Variants in MCPH1 observed in about 807,000 individuals in gnomAD.
MCPH1 encodes the protein microcephalin 1.
MCPH1 carries 104 observed loss-of-function variants against 84.5 expected under a neutral mutation model. That is an observed-to-expected ratio of 1.23 (90% confidence interval 1.05 to 1.45). MCPH1 has a LOEUF of 1.45. Ranked by LOEUF, MCPH1 falls within the 40% of genes most tolerant of loss-of-function variation. MCPH1 has a pLI of 0.00. For synonymous variants in MCPH1, 514 were observed against 366.8 expected (o/e 1.40, Z -4.58); for missense variants, 1,498 against 1,005.7 (o/e 1.49, Z -6.62).
rs953870972 is a variant in MCPH1, at chr8:6,648,145, G to C, written c.*5096G>C. On this transcript the variant is annotated 3_prime_UTR_variant, in exon 14 of 14. Coordinates refer to ENST00000344683, the MANE Select transcript of MCPH1 (RefSeq NM_024596.5). ...CCCAGCCAATACGTGGGCACAGAAA[G>C]GCACAGGGCATGGCTGATTCAGCCC... The C allele has an allele frequency of 1.3e-5, 2 of 152,200 alleles. No homozygotes were observed. The highest frequency in any genetic ancestry group is 1.9e-4 in the East Asian group (1 of 5,186). 9.4% of individuals were successfully genotyped at this position (152,200 alleles called of 1,614,324 possible).
intron 11 of MCPH1, among the ~76,000 whole-genome samples, chr8:6,482,775 T>C (rs1342493932): frequency 6.6e-6 from 1 of 152,204 alleles, no homozygotes; most frequent in Non-Finnish European, 1.5e-5. Context: ...TTTTAGGTTA[T>C]TGTATCTCTT....
At chr8:6,570,212 A>G (rs573593002) in intron 12 of MCPH1, among the ~76,000 whole-genome samples, 12 of 152,218 alleles carry the variant, frequency 7.9e-5, no homozygotes, top group South Asian at 2.1e-4. Context: ...TCTGAGATGA[A>G]GTTGAGCACA....
rs759033615 is a variant in MCPH1 at position 6,644,421 on chromosome 8, A to G, written c.*1372A>G. On this transcript the variant is annotated 3_prime_UTR_variant, in exon 14 of 14. Transcript: ENST00000344683. Reference sequence around the variant, plus strand: ...GTCAAACTGTCTCTCTTCACTGCCGATATGATTCTATACCTAGAAAACCCT... The same window carrying G: ...GTCAAACTGTCTCTCTTCACTGCCGGTATGATTCTATACCTAGAAAACCCT... 1 of 152,338 alleles carries G rather than the reference A, an allele frequency of 6.6e-6. No homozygotes were observed. Among genetic ancestry groups the G allele is most frequent in the Non-Finnish European group, 1.5e-5 (1 of 68,030 alleles). The allele number at this position is 152,338 out of a possible 1,614,324, so 9.4% of individuals were successfully genotyped here.
chr8:6,440,884 G>A (rs1473080182), intron 6 of MCPH1, among the ~76,000 whole-genome samples: 2 of 152,156 alleles, frequency 1.3e-5, no homozygotes, highest in Non-Finnish European at 2.9e-5. Context: ...GCCTTTCTCT[G>A]TCTTGCCTAG....
In MCPH1 at chr8:6,438,957, T is replaced by C. The variant is rs758722447; in HGVS notation, c.441T>C (p.Asp147=). Residue 147 remains aspartate, a synonymous_variant, in exon 6 of 14, where the codon GAT becomes GAC. Transcript: ENST00000344683. Reference sequence around the variant, plus strand: ...GGATTTTTTGTTTATTTTCAGATGATGATGTACCTATTCTCTTATTTGAAT... The same window carrying C: ...GGATTTTTTGTTTATTTTCAGATGACGATGTACCTATTCTCTTATTTGAAT... ...ELQRQKTNLD[D]DVPILLFESN... is the part of the protein sequence containing the mutation. The C allele has an allele frequency of 1.9e-6, 3 of 1,612,078 alleles. No homozygotes were observed. The South Asian group carries it at 3.3e-5, about 18-fold the overall frequency.
At chr8:6,505,968 C>T (rs868088936) in intron 12 of MCPH1, among the ~76,000 whole-genome samples, 6 of 1,456 alleles carry the variant, frequency 4.1e-3, no homozygotes, top group East Asian at 0.083. Context: ...TAAAAACATA[C>T]ATATTCTTTG....
chr8:6,534,253 A>G (rs1411336147), intron 12 of MCPH1, among the ~76,000 whole-genome samples: 2 of 152,240 alleles, frequency 1.3e-5, no homozygotes, highest in African/African-American at 2.4e-5. Flanking sequence ...TTGTAAAACA[A>G]TACAGTATAG....
At chr8:6,602,244 A>T (rs1045739472) in intron 12 of MCPH1, among the ~76,000 whole-genome samples, 16 of 152,308 alleles carry the variant, frequency 1.1e-4, no homozygotes, top group African/African-American at 3.8e-4. Flanking sequence ...GGGGAGCCTT[A>T]AGCACCAAGA....
chr8:6,638,309 T>G (rs1380134596), intron 13 of MCPH1, among the ~76,000 whole-genome samples: 8 of 152,202 alleles, frequency 5.3e-5, no homozygotes, highest in African/African-American at 1.9e-4. Context: ...AGCCCTAACA[T>G]GCTTACTTAT....
intron 12 of MCPH1, among the ~76,000 whole-genome samples, chr8:6,549,272 G>A (rs1456066785): frequency 6.6e-6 from 1 of 152,200 alleles, no homozygotes; most frequent in Non-Finnish European, 1.5e-5. Flanking sequence ...AACACTGCAC[G>A]GTGATGGAAA....
chr8:6,574,368 T>C (rs1408886514), intron 12 of MCPH1, among the ~76,000 whole-genome samples: 1 of 151,914 alleles, frequency 6.6e-6, no homozygotes, highest in Non-Finnish European at 1.5e-5. Flanking sequence ...CGTCTTTTTA[T>C]AAAGATGCAG....
Position 6,461,325 on chromosome 8 carries a change from C to CTTT in MCPH1, c.1935+6089_1935+6091dup, listed in dbSNP as rs11419705. Among the ~76,000 whole-genome samples the CTTT allele has an allele frequency of 1.5e-3, 171 of 110,954 alleles. 2 individuals carry two copies. The highest frequency in any genetic ancestry group is 2.0e-3 in the Non-Finnish European group (123 of 60,048). The allele number at this position is 110,954 out of a possible 152,430, so 72.8% of individuals were successfully genotyped here. A position where few individuals can be genotyped will look rare whatever the true frequency, so the allele number is the denominator to read the frequency against. ...TATACTTGTTTCAAATTTGTTGAGA[C>CTTT]TTTTTTTTTTTTTTTTTTGAGATGG... is the stretch of plus-strand genomic sequence containing the variant. On this transcript the variant is annotated intron_variant, in intron 9 of 13. Transcript: ENST00000344683.
Position 6,439,026 on chromosome 8 carries a change from TAGG to T in MCPH1, c.511_513del (p.Arg171del), listed in dbSNP as rs778173152. ...ATACTCCCACAATTGAAATTAATAG[TAGG>T]CACCACAGCGCAATGGAGAAGAGAT... On this transcript the variant is annotated inframe_deletion, in exon 6 of 14. Transcript: ENST00000344683. The T allele has an allele frequency of 9.2e-5, 148 of 1,612,212 alleles. No homozygotes were observed. The highest frequency in any genetic ancestry group is 3.3e-4 in the Middle Eastern group (2 of 6,078).
chr8:6,513,029 A>T (rs1367450530), intron 12 of MCPH1, among the ~76,000 whole-genome samples: 1 of 152,240 alleles, frequency 6.6e-6, no homozygotes, highest in Admixed American at 6.5e-5. Flanking sequence ...AGTATCCATC[A>T]TTTATGCTAT....
Position 6,477,616 on chromosome 8 carries a change from C to A in MCPH1, c.1958C>A (p.Thr653Lys). 1 of 1,613,048 alleles carries A rather than the reference C, an allele frequency of 6.2e-7. No individual in the cohort carries two copies. The highest frequency in any genetic ancestry group is 2.2e-5 in the East Asian group (1 of 44,836). ...GKKPTRTLVM[T>K]SMPSEKQNVV... ...TAGCCAACAAGAACATTAGTCATGA[C>A]AAGCATGCCATCTGAGTAAGTACTT... The change falls in exon 10 of 14, where the codon ACA becomes AAA. Residue 653 changes from threonine to lysine, a missense_variant. By Grantham distance (78) the Thr-to-Lys change is moderately conservative. Coordinates refer to ENST00000344683, the MANE Select transcript of MCPH1 (RefSeq NM_024596.5).
intron 9 of MCPH1, among the ~76,000 whole-genome samples, chr8:6,458,124 C>G (rs1281827362): frequency 2.0e-5 from 3 of 152,086 alleles, no homozygotes; most frequent in Admixed American, 6.5e-5. Context: ...ATAAACATTT[C>G]TCATGTAAAG....
intron 12 of MCPH1, among the ~76,000 whole-genome samples, chr8:6,517,469 C>T (rs561555704): frequency 6.6e-6 from 1 of 152,294 alleles, no homozygotes; most frequent in East Asian, 1.9e-4. Flanking sequence ...GTAGAAGAAC[C>T]AAATGAATTT....
chr8:6,446,828 T>C, intron 8 of MCPH1: 1 of 985,324 alleles, frequency 1.0e-6, no homozygotes, highest in Non-Finnish European at 1.2e-6. Context: ...CCCGTGTTGC[T>C]GGGAGTGTGC....
Position 6,444,263 on chromosome 8 carries a change from C to G in MCPH1, c.671-130C>G, listed in dbSNP as rs911133099. Reference sequence around the variant, plus strand: ...TACCCTTAAGTGGAAATGAGAAGAACTCAAGTGTGGTTAATAGTCTTCTTA... The same window carrying G: ...TACCCTTAAGTGGAAATGAGAAGAAGTCAAGTGTGGTTAATAGTCTTCTTA... On this transcript the variant is annotated intron_variant, in intron 7 of 13. Transcript: ENST00000344683. The G allele has an allele frequency of 2.0e-4, 206 of 1,051,322 alleles. 1 individual carries two copies. The highest frequency in any genetic ancestry group is 3.7e-5 in the Non-Finnish European group (27 of 723,790). The allele number at this position is 1,051,322 out of a possible 1,614,324, so 65.1% of individuals were successfully genotyped here.
Sources: allele counts gnomAD v4.1 joint callset (sites outside exome capture counted in the v4.1 genomes callset), GRCh38; gene constraint gnomAD v4.1.1; transcripts MANE v1.5; gene names NCBI Gene and HGNC (gene_info 2026-07-23, HGNC 2026-07-21).